KCNK2: variants seen among roughly 807,000 people sequenced by gnomAD.
KCNK2 encodes potassium two pore domain channel subfamily K member 2.
A neutral mutation model predicts 40.5 loss-of-function variants in KCNK2; 21 were observed. That is an observed-to-expected ratio of 0.52 (90% confidence interval 0.37 to 0.75). The LOEUF (loss-of-function observed/expected upper bound fraction) is 0.75, where lower values mean the gene tolerates loss of function less well. KCNK2 is among the 30% of genes least tolerant of loss of function. The probability of loss-of-function intolerance (pLI) is 0.00; values close to 1 mark genes in which losing one functional copy is unlikely to be tolerated. For synonymous variants in KCNK2, 191 were observed against 202.2 expected, an observed-to-expected ratio of 0.94 and a Z score of 0.47; for missense variants, 399 against 531.6, an observed-to-expected ratio of 0.75 and a Z score of 2.45.
At chr1:215,112,327 T>C (rs1660731714) in intron 2 of KCNK2, among the ~76,000 whole-genome samples, 1 of 151,424 alleles carries the variant, frequency 6.6e-6, no homozygotes, top group Non-Finnish European at 1.5e-5. Context: ...TTTTTTTTTT[T>C]AAAGTGCTTA....
chr1:215,083,164 T>G lies in KCNK2; in HGVS notation c.-222T>G. 1 of 1,010,944 alleles carries G rather than the reference T, an allele frequency of 9.9e-7. No individual in the cohort carries two copies. Among genetic ancestry groups the G allele is most frequent in the Non-Finnish European group, 1.5e-6 (1 of 677,060 alleles). The allele number at this position is 1,010,944 out of a possible 1,614,324, so 62.6% of individuals were successfully genotyped here. On this transcript the variant is annotated 5_prime_UTR_variant, in exon 1 of 7. Coordinates refer to ENST00000444842, the MANE Select transcript of KCNK2 (RefSeq NM_001017425.3). The stretch of plus-strand genomic sequence containing the variant: ...CTCTGCCCAGCCCGCCGGTGTCCCC[T>G]CCTTCCCGCGATTTCGTTTCTTCTC...
At chr1:215,054,898 C>T (rs142424019) in intron 1 of KCNK2, among the ~76,000 whole-genome samples, 15 of 152,252 alleles carry the variant, frequency 9.9e-5, no homozygotes, top group African/African-American at 2.9e-4. Flanking sequence ...TTACCAAATA[C>T]TATGAATGTT....
In KCNK2 at chr1:215,124,746, C is replaced by T. The variant is rs1297268921; in HGVS notation, c.471C>T (p.Thr157=). 6.4e-7 allele frequency: 1 copy of T among 1,556,458 alleles called. No individual in the cohort carries two copies. The highest frequency in any genetic ancestry group is 8.9e-7 in the Non-Finnish European group (1 of 1,127,828). Residue 157 remains threonine, a synonymous_variant, in exon 3 of 7, where the codon ACC becomes ACT. Coordinates refer to ENST00000444842, the MANE Select transcript of KCNK2 (RefSeq NM_001017425.3). Reference sequence around the variant, plus strand: ...TCTTTGCTGGCACTGTTATTACAACCATAGGTAGGAGACAACTTATTTTTG... The same window carrying T: ...TCTTTGCTGGCACTGTTATTACAACTATAGGTAGGAGACAACTTATTTTTG... ...SFFFAGTVIT[T]IGFGNISPRT... is the part of the protein sequence containing the mutation.
chr1:215,209,118 C>A (rs1039553741), intron 6 of KCNK2, among the ~76,000 whole-genome samples: 1 of 149,742 alleles, frequency 6.7e-6, no homozygotes, highest in African/African-American at 2.5e-5. Flanking sequence ...TGAGCCACTG[C>A]GCCTGGCCCT....
chr1:215,147,524 C>A (rs192860732), intron 3 of KCNK2, among the ~76,000 whole-genome samples: 9 of 152,276 alleles, frequency 5.9e-5, no homozygotes, highest in African/African-American at 1.9e-4. Context: ...GTAGCTTTGA[C>A]TCACTTTTCT....
chr1:215,006,837 T>G (rs865870008), intron 1 of KCNK2, among the ~76,000 whole-genome samples: 8 of 151,594 alleles, frequency 5.3e-5, no homozygotes, highest in African/African-American at 1.7e-4. Context: ...TAACAAGAAC[T>G]ATATAATAAT....
At chr1:215,119,095 A>G (rs539588542) in intron 2 of KCNK2, among the ~76,000 whole-genome samples, 1 of 152,138 alleles carries the variant, frequency 6.6e-6, no homozygotes, top group Non-Finnish European at 1.5e-5. Context: ...CTTTTCCAAA[A>G]TTGCTAAATT....
chr1:215,215,471 G>T (rs1234702286), intron 6 of KCNK2, among the ~76,000 whole-genome samples: 4 of 152,126 alleles, frequency 2.6e-5, no homozygotes, highest in Non-Finnish European at 5.9e-5. Flanking sequence ...TATCATAAGT[G>T]CTAAATATGA....
At chr1:215,137,328 T>A (rs1388681743) in intron 3 of KCNK2, among the ~76,000 whole-genome samples, 1 of 152,216 alleles carries the variant, frequency 6.6e-6, no homozygotes, top group Non-Finnish European at 1.5e-5. Context: ...CAGAAAACTA[T>A]AACCCATGAG....
chr1:215,023,603 C>T (rs1035899235), intron 1 of KCNK2, among the ~76,000 whole-genome samples: 4 of 152,182 alleles, frequency 2.6e-5, no homozygotes, highest in Admixed American at 2.0e-4. Context: ...GATTTGGCTT[C>T]GACGACTTTT....
chr1:215,052,669 T>C (rs1443351346), intron 1 of KCNK2, among the ~76,000 whole-genome samples: 1 of 152,176 alleles, frequency 6.6e-6, no homozygotes, highest in East Asian at 1.9e-4. Flanking sequence ...ACAGGAATTG[T>C]TAGCCCCCTA....
At chr1:215,073,658 C>T (rs1688146525) in intron 1 of KCNK2, among the ~76,000 whole-genome samples, 1 of 151,996 alleles carries the variant, frequency 6.6e-6, no homozygotes, top group African/African-American at 2.4e-5. Flanking sequence ...AATCATGGAG[C>T]CTGCAGGTGT....
chr1:215,139,405 A>G (rs1434341963), intron 3 of KCNK2, among the ~76,000 whole-genome samples: 8 of 152,350 alleles, frequency 5.3e-5, no homozygotes, highest in East Asian at 3.9e-4. Flanking sequence ...TAGCAGCTAC[A>G]TAGTTTTCCT....
rs574317956 is a variant in KCNK2, at chr1:215,168,034, G to T, written c.476-1165G>T. Among the ~76,000 whole-genome samples the T allele has an allele frequency of 5.3e-5, 8 of 151,346 alleles. No individual in the cohort carries two copies. The East Asian group carries it at 1.6e-3, about 29-fold the overall frequency. On this transcript the variant is annotated intron_variant, in intron 3 of 6. Transcript: ENST00000444842. Reference sequence around the variant, plus strand: ...AAACACATTAACAAGAAAAAAAACCGATAAAAAACTGGGCAAAAGATATGA... The same window carrying T: ...AAACACATTAACAAGAAAAAAAACCTATAAAAAACTGGGCAAAAGATATGA...
intron 5 of KCNK2, among the ~76,000 whole-genome samples, chr1:215,173,340 G>A (rs1369591684): frequency 6.6e-6 from 1 of 152,138 alleles, no homozygotes; most frequent in Non-Finnish European, 1.5e-5. Context: ...TGGTATATAT[G>A]TGCCACATTT....
chr1:215,163,652 C>T (rs1663309096), intron 3 of KCNK2, among the ~76,000 whole-genome samples: 1 of 151,990 alleles, frequency 6.6e-6, no homozygotes, highest in Non-Finnish European at 1.5e-5. Context: ...TTATTGAAGG[C>T]CTTTTCTGCA....
intron 6 of KCNK2, among the ~76,000 whole-genome samples, chr1:215,215,843 G>A (rs1665937825): frequency 6.6e-6 from 1 of 152,162 alleles, no homozygotes; most frequent in Non-Finnish European, 1.5e-5. Flanking sequence ...CAGGCTCAGG[G>A]TAAGCCCCTG....
intron 3 of KCNK2, among the ~76,000 whole-genome samples, chr1:215,159,204 C>T (rs1213946217): frequency 2.6e-5 from 4 of 152,212 alleles, no homozygotes; most frequent in Non-Finnish European, 4.4e-5. Context: ...GAGTTAAGTG[C>T]GGAGACTCCT....
chr1:215,042,364 G>C (rs993172770), intron 1 of KCNK2, among the ~76,000 whole-genome samples: 2 of 152,172 alleles, frequency 1.3e-5, no homozygotes, highest in African/African-American at 4.8e-5. Context: ...GTTGTCATTA[G>C]AGGCCCTGGA....
Sources: allele counts gnomAD v4.1 joint callset (sites outside exome capture counted in the v4.1 genomes callset), GRCh38; gene constraint gnomAD v4.1.1; transcripts MANE v1.5; gene names NCBI Gene and HGNC (gene_info 2026-07-23, HGNC 2026-07-21).